STRN4: variants seen among roughly 807,000 people sequenced by gnomAD.
STRN4 encodes the protein striatin-4.
Under a neutral mutation model 77.9 loss-of-function variants are expected in STRN4, and 27 were observed. The ratio of observed to expected loss-of-function variants is 0.35; its 90% confidence interval spans 0.26 to 0.48. The LOEUF (loss-of-function observed/expected upper bound fraction) is 0.48. Among genes scored for constraint, STRN4 ranks in the 20% least tolerant of loss-of-function variants. STRN4 has a pLI of 0.99. For synonymous variants in STRN4, 466 were observed against 443.1 expected (o/e 1.05, Z -0.65); for missense variants, 798 against 1,049.7 (o/e 0.76, Z 3.31).
chr19:46,727,912 G>A lies in STRN4; in HGVS notation c.1135C>T (p.Gln379Ter). Reference sequence around the variant, plus strand: ...CTCTTACCTTCATGTGGCCGGGGCTGGGGTGTGCCAGGAGGCGGGCCAGTC... The same window carrying A: ...CTCTTACCTTCATGTGGCCGGGGCTAGGGTGTGCCAGGAGGCGGGCCAGTC... ...KVTGPPPGTP[Q>*]PRPHEDVFIM... is the part of the protein sequence containing the mutation. Residue 379 changes from glutamine (Q) to a stop codon, truncating the protein, a stop_gained, in exon 8 of 18, where the codon CAG becomes TAG. Transcript: ENST00000263280. LOFTEE classifies it high-confidence loss of function. The A allele has an allele frequency of 6.2e-7, 1 of 1,610,790 alleles. No homozygotes were observed. Among genetic ancestry groups the A allele is most frequent in the Non-Finnish European group, 8.5e-7 (1 of 1,178,176 alleles).
chr19:46,746,448 C>CCCGCGCGCCCG lies in STRN4; in HGVS notation c.-19_-18insCGGGCGCGCGG, dbSNP rs1362813011. On this transcript the variant is annotated 5_prime_UTR_variant, in exon 1 of 18. Coordinates refer to ENST00000263280, the MANE Select transcript of STRN4 (RefSeq NM_013403.3). ...TCCATCATGGAGGCCCCGGGGCCGG[C>CCCGCGCGCCCG]CTGCGCGCCCGCTGTGCCTCGCGCG... The CCCGCGCGCCCG allele has an allele frequency of 8.1e-5, 81 of 1,003,548 alleles. 1 individual carries two copies. In the African/African-American group the frequency reaches 1.3e-3, roughly 16 times the overall value. 62.2% of individuals were successfully genotyped at this position (1,003,548 alleles called of 1,614,324 possible). A position where few individuals can be genotyped will look rare whatever the true frequency, so the allele number is the denominator to read the frequency against.
intron 9 of STRN4, 45 bp downstream of exon 9, chr19:46,727,407 C>G (rs749979686): frequency 1.3e-6 from 2 of 1,534,404 alleles, no homozygotes; most frequent in East Asian, 4.6e-5. Flanking sequence ...TGGCCCTGGG[C>G]GCAATGCCAA....
chr19:46,728,980 C>G (rs879791734), intron 6 of STRN4: 1 of 599,414 alleles, frequency 1.7e-6, no homozygotes, highest in Admixed American at 3.1e-5. Context: ...CTGACCCCAC[C>G]CTCACGCAGT....
chr19:46,732,310 G>C (rs1343849755), intron 5 of STRN4: 1 of 152,594 alleles, frequency 6.6e-6, no homozygotes, highest in African/African-American at 2.4e-5. Context: ...CTGCTCGAAA[G>C]CACTGGCTTC....
chr19:46,721,660 C>G, intron 16 of STRN4: 1 of 276,458 alleles, frequency 3.6e-6, no homozygotes, highest in Non-Finnish European at 7.1e-6. Flanking sequence ...ACGGGTACCC[C>G]CAGGTAGACC....
rs545421744 is a variant in STRN4 at position 46,726,995 on chromosome 19, G to A, written c.1248+457C>T. On this transcript the variant is annotated intron_variant, in intron 9 of 17. Transcript: ENST00000263280. Reference sequence around the variant, plus strand: ...CAGCCTTACTAGGGTCACCAACACTGGAAATCCCATTCTGTCACAGTAAAA... The same window carrying A: ...CAGCCTTACTAGGGTCACCAACACTAGAAATCCCATTCTGTCACAGTAAAA... Among the ~76,000 whole-genome samples the A allele has an allele frequency of 1.9e-3, 287 of 152,208 alleles. 2 individuals are homozygous for A. The highest frequency in any genetic ancestry group is 0.014 in the Middle Eastern group (4 of 294).
At position 46,727,410 on chromosome 19, in the gene STRN4, A is replaced by G. The variant is rs1033070627; in HGVS notation, c.1248+42T>C. 6 of 1,559,514 alleles carry G rather than the reference A, an allele frequency of 3.8e-6. No homozygotes were observed. The African/African-American group carries it at 6.8e-5, about 18-fold the overall frequency. On this transcript the variant is annotated intron_variant, in intron 9 of 17. Coordinates refer to ENST00000263280, the MANE Select transcript of STRN4 (RefSeq NM_013403.3). ...GCTTGCAGGGGCTGGCCCTGGGCGCAATGCCAATGGGGACAGTGTGGGGGG... is the reference window on the plus strand; with the variant it reads ...GCTTGCAGGGGCTGGCCCTGGGCGCGATGCCAATGGGGACAGTGTGGGGGG...
chr19:46,728,043 C>T (rs1473016851), intron 7 of STRN4, 36 bp from the exon 8 acceptor site: 1 of 1,589,358 alleles, frequency 6.3e-7, no homozygotes. Context: ...AGTCACCCAG[C>T]AGTTCCAACC....
intron 10 of STRN4, 25 bp downstream of exon 10, chr19:46,725,448 C>T: frequency 6.2e-7 from 1 of 1,613,856 alleles, no homozygotes; most frequent in Non-Finnish European, 8.5e-7. Context: ...GCCCCTGCCC[C>T]CGGCTCTGAG....
At chr19:46,744,175 G>A (rs2054527115) in intron 1 of STRN4, among the ~76,000 whole-genome samples, 1 of 152,186 alleles carries the variant, frequency 6.6e-6, no homozygotes, top group Non-Finnish European at 1.5e-5. Context: ...CGTTATTGCT[G>A]AGTGAGGTAA....
In STRN4 at chr19:46,725,658, G is replaced by A. The variant is rs761983543; in HGVS notation, c.1249-10C>T. On this transcript the variant is annotated splice_polypyrimidine_tract_variant and intron_variant, in intron 9 of 17. Transcript: ENST00000263280. ...CTTTGCTGTCAGACAGCTGGGGTTGGGGGGAGCTGCCTCAGTGTCTTCGCA... is the reference window on the plus strand; with the variant it reads ...CTTTGCTGTCAGACAGCTGGGGTTGAGGGGAGCTGCCTCAGTGTCTTCGCA... 6.8e-6 allele frequency: 11 copies of A among 1,612,668 alleles called. No individual in the cohort carries two copies. Among genetic ancestry groups the A allele is most frequent in the South Asian group, 1.1e-5 (1 of 91,038 alleles).
chr19:46,731,445 G>A (rs1371417887), intron 5 of STRN4: 3 of 154,702 alleles, frequency 1.9e-5, no homozygotes, highest in African/African-American at 7.2e-5. Flanking sequence ...TTCATGACAA[G>A]TTATAGCAGA....
intron 14 of STRN4, 139 bp from the exon 15 acceptor site, chr19:46,722,479 TC>T: frequency 1.1e-6 from 1 of 915,390 alleles, no homozygotes; most frequent in Middle Eastern, 2.3e-4. Context: ...GGCACTCCGG[TC>T]CCCGACCGCA....
intron 5 of STRN4, chr19:46,731,339 C>G (rs745610807): frequency 1.2e-5 from 2 of 168,386 alleles, no homozygotes; most frequent in Admixed American, 1.1e-4. Flanking sequence ...CAGCCAGCCT[C>G]GCGCAAGCAG....
At position 46,746,255 on chromosome 19, in the gene STRN4, C is replaced by T; in HGVS notation, c.176G>A (p.Gly59Asp). 1 of 1,496,614 alleles carries T rather than the reference C, an allele frequency of 6.7e-7. No individual in the cohort carries two copies. Among genetic ancestry groups the T allele is most frequent in the Non-Finnish European group, 8.8e-7 (1 of 1,130,434 alleles). 92.7% of individuals were successfully genotyped at this position (1,496,614 alleles called of 1,614,324 possible). ...GGGGSPGPTA[G>D]PEPLSLPGIL... ...CCCCGGCAGGCTCAGGGGCTCCGGG[C>T]CCGCCGTGGGCCCGGGGCTGCCTCC... is the stretch of plus-strand genomic sequence containing the variant. The change falls in exon 1 of 18, where the codon GGC (glycine) becomes GAC (aspartate). Residue 59 changes from glycine (G) to aspartate (D), a missense_variant. Around this residue, in one of 2 missense-constraint regions of STRN4, gnomAD observed 511 missense variants for 575.9 expected, o/e 0.89. Coordinates refer to ENST00000263280, the MANE Select transcript of STRN4 (RefSeq NM_013403.3).
rs1051629323 is a variant in STRN4 at position 46,723,019 on chromosome 19, C to G, written c.1766-69G>C. ...CCCAGCCCTGCCCCAGGGTGGGGGACAGTGGGTGGGAGGCCTGGGGCCTCA... is the reference window on the plus strand; with the variant it reads ...CCCAGCCCTGCCCCAGGGTGGGGGAGAGTGGGTGGGAGGCCTGGGGCCTCA... On this transcript the variant is annotated intron_variant, in intron 13 of 17. Coordinates refer to ENST00000263280, the MANE Select transcript of STRN4 (RefSeq NM_013403.3). The surrounding 1 kb of genome is among the most constrained non-coding windows in gnomAD (Gnocchi z 5.5). 1.9e-6 allele frequency: 3 copies of G among 1,600,340 alleles called. No individual in the cohort carries two copies. The African/African-American group carries it at 4.0e-5, about 21-fold the overall frequency.
In STRN4 at chr19:46,724,892, A is replaced by G. The variant is rs758841382; in HGVS notation, c.1509T>C (p.Ser503=). The G allele has an allele frequency of 4.3e-6, 7 of 1,614,072 alleles. No individual in the cohort carries two copies. In the East Asian group the frequency reaches 1.3e-4, roughly 31 times the overall value. Residue 503 remains serine (S), a synonymous_variant, in exon 12 of 18, where the codon AGT becomes AGC. Coordinates refer to ENST00000263280, the MANE Select transcript of STRN4 (RefSeq NM_013403.3). Reference sequence around the variant, plus strand: ...CTGCCCCGCCACTGTAGCAGTATTCACTGTTGCTGCCCATAGCCACAGCCA... The same window carrying G: ...CTGCCCCGCCACTGTAGCAGTATTCGCTGTTGCTGCCCATAGCCACAGCCA... ...PVLAVAMGSN[S]EYCYSGGADA...
chr19:46,733,140 T>A lies in STRN4; in HGVS notation c.636A>T (p.Ala212=), dbSNP rs2054289822. 1 of 1,612,450 alleles carries A rather than the reference T, an allele frequency of 6.2e-7. No individual in the cohort carries two copies. The highest frequency in any genetic ancestry group is 1.1e-5 in the South Asian group (1 of 91,086). The change falls in exon 5 of 18, where the codon GCA becomes GCT. Residue 212 remains alanine (A), a synonymous_variant. Transcript: ENST00000263280. This position sits in a 1 kb window ranked among gnomAD's most constrained non-coding sequence, Gnocchi z 4.3. The part of the protein sequence containing the change: ...LLGRSLELNG[A]VEPSEGAPRA... Reference sequence around the variant, plus strand: ...TGGGGGCCCCTTCACTCGGCTCCACTGCCCCGTTGAGCTCCAGCGAGCGGC... The same window carrying A: ...TGGGGGCCCCTTCACTCGGCTCCACAGCCCCGTTGAGCTCCAGCGAGCGGC...
rs534768057 is a variant in STRN4 at position 46,725,700 on chromosome 19, T to C, written c.1249-52A>G. ...GTCTTCGCATCCATCCCAGCAGTCA[T>C]GCAGACACCGACACCCAGGGCTTGA... On this transcript the variant is annotated intron_variant, in intron 9 of 17. Coordinates refer to ENST00000263280, the MANE Select transcript of STRN4 (RefSeq NM_013403.3). 1.6e-5 allele frequency: 25 copies of C among 1,587,242 alleles called. No individual in the cohort carries two copies. The Admixed American group carries it at 2.5e-4, about 16-fold the overall frequency.
Sources: allele counts gnomAD v4.1 joint callset (sites outside exome capture counted in the v4.1 genomes callset), GRCh38; gene constraint gnomAD v4.1.1; regional missense constraint gnomAD v4.1.1; non-coding constraint Gnocchi (gnomAD v3.1); transcripts MANE v1.5; gene names NCBI Gene and HGNC (gene_info 2026-07-23, HGNC 2026-07-21).